The following DGKB variants were observed in gnomAD, a reference collection of about 807,000 sequenced individuals.
DGKB encodes the protein diacylglycerol kinase beta.
DGKB carries 67 observed loss-of-function variants against 114.3 expected under a neutral mutation model. That is an observed-to-expected ratio of 0.59 (90% confidence interval 0.48 to 0.72). The LOEUF (loss-of-function observed/expected upper bound fraction) is 0.72. DGKB is among the 30% of genes least tolerant of loss of function. DGKB has a pLI of 0.00. For synonymous variants in DGKB, 398 were observed against 323.1 expected, an observed-to-expected ratio of 1.23 and a Z score of -2.49; for missense variants, 907 against 975.2, an observed-to-expected ratio of 0.93 and a Z score of 0.93.
intron 16 of DGKB, among the ~76,000 whole-genome samples, chr7:14,609,616 A>G (rs949614281): frequency 2.6e-5 from 4 of 152,032 alleles, no homozygotes; most frequent in African/African-American, 9.7e-5. Context: ...ATATTTGCAA[A>G]CTATTCATCC....
At chr7:14,343,157 CCACACACACACA>C (rs3067654) in intron 22 of DGKB, among the ~76,000 whole-genome samples, 92 of 132,920 alleles carry the variant, frequency 6.9e-4, no homozygotes, top group African/African-American at 2.3e-3. Context: ...GCCTAGCTAT[CCACACACACACA>C]CACACACACA....
At chr7:14,378,485 A>C (rs1384555411) in intron 21 of DGKB, among the ~76,000 whole-genome samples, 2 of 152,178 alleles carry the variant, frequency 1.3e-5, no homozygotes, top group Admixed American at 1.3e-4. Flanking sequence ...TGTAAATCTA[A>C]AGTTATTCCA....
At chr7:14,638,895 C>A (rs752521052) in intron 13 of DGKB, among the ~76,000 whole-genome samples, 1 of 151,818 alleles carries the variant, frequency 6.6e-6, no homozygotes, top group Admixed American at 6.6e-5. Context: ...AAAATTATCC[C>A]GGCATGGTGG....
chr7:14,337,307 C>T (rs1810853216), intron 23 of DGKB, among the ~76,000 whole-genome samples: 1 of 151,964 alleles, frequency 6.6e-6, no homozygotes, highest in South Asian at 2.1e-4. Flanking sequence ...TATTTTCCTC[C>T]ATATTTTCAT....
intron 25 of DGKB, among the ~76,000 whole-genome samples, chr7:14,150,200 G>A (rs186869714): frequency 3.3e-5 from 5 of 152,160 alleles, no homozygotes; most frequent in East Asian, 1.9e-4. Context: ...AGCGAACTGC[G>A]ACTAATACAA....
At chr7:14,369,872 A>G (rs2128649158) in intron 21 of DGKB, among the ~76,000 whole-genome samples, 1 of 151,624 alleles carries the variant, frequency 6.6e-6, no homozygotes, top group Middle Eastern at 3.4e-3. Context: ...CTGTAAAATT[A>G]TGTAAATGCA....
At chr7:14,619,110 A>G (rs1266358377) in intron 15 of DGKB, among the ~76,000 whole-genome samples, 1 of 151,500 alleles carries the variant, frequency 6.6e-6, no homozygotes, top group African/African-American at 2.4e-5. Flanking sequence ...CTGCTGAGGT[A>G]CAACAGGCTT....
intron 1 of DGKB, among the ~76,000 whole-genome samples, chr7:14,961,910 A>T (rs1786866546): frequency 6.6e-6 from 1 of 152,134 alleles, no homozygotes; most frequent in Non-Finnish European, 1.5e-5. Flanking sequence ...CACACAATGC[A>T]GAAATGATCT....
At chr7:14,747,677 A>G (rs1833500713) in intron 4 of DGKB, among the ~76,000 whole-genome samples, 1 of 151,944 alleles carries the variant, frequency 6.6e-6, no homozygotes, top group Non-Finnish European at 1.5e-5. Flanking sequence ...GATCATTTAT[A>G]TGCATATCAA....
intron 8 of DGKB, among the ~76,000 whole-genome samples, chr7:14,695,455 T>A (rs186736445): frequency 6.7e-6 from 1 of 148,754 alleles, no homozygotes; most frequent in East Asian, 2.1e-4. Context: ...CTACTACTAT[T>A]GTAATCAACC....
chr7:14,661,145 C>A (rs889508274), intron 13 of DGKB, among the ~76,000 whole-genome samples: 1 of 152,026 alleles, frequency 6.6e-6, no homozygotes, highest in Non-Finnish European at 1.5e-5. Context: ...TAGGCATGGG[C>A]AAGGACTTCG....
intron 5 of DGKB, among the ~76,000 whole-genome samples, chr7:14,726,183 A>C (rs1184486190): frequency 6.6e-6 from 1 of 152,074 alleles, no homozygotes; most frequent in African/African-American, 2.4e-5. Flanking sequence ...TCTGTCGCCC[A>C]GACTGGAGTG....
intron 16 of DGKB, among the ~76,000 whole-genome samples, chr7:14,611,251 A>G (rs1361463603): frequency 6.6e-6 from 1 of 152,144 alleles, no homozygotes; most frequent in African/African-American, 2.4e-5. Flanking sequence ...GTATTGCAAC[A>G]GATCTATTTA....
rs59229743 is a variant in DGKB at position 14,485,732 on chromosome 7, GA to G, written c.1771-7508del. 3.9e-3 allele frequency among the ~76,000 whole-genome samples: 589 copies of G among 149,158 alleles called. 3 individuals carry two copies. The highest frequency in any genetic ancestry group is 9.7e-3 in the African/African-American group (396 of 40,644). ...AAACCCCATCTCTACTAAAAATACAGAAAAAAAAAAATACCCGGGCATGGTA... is the reference window on the plus strand; with the variant it reads ...AAACCCCATCTCTACTAAAAATACAGAAAAAAAAAATACCCGGGCATGGTA... On this transcript the variant is annotated intron_variant, in intron 20 of 25. Transcript: ENST00000402815.
intron 13 of DGKB, among the ~76,000 whole-genome samples, chr7:14,670,825 C>G (rs1818845805): frequency 1.3e-5 from 2 of 152,100 alleles, no homozygotes; most frequent in Admixed American, 6.5e-5. Flanking sequence ...ATTACCCCTG[C>G]TGGAATGTAA....
intron 25 of DGKB, among the ~76,000 whole-genome samples, chr7:14,166,325 GA>G (rs1784604310): frequency 6.6e-6 from 1 of 152,118 alleles, no homozygotes; most frequent in Non-Finnish European, 1.5e-5. Context: ...CACAAGAGTA[GA>G]AAAAATATCA....
intron 13 of DGKB, among the ~76,000 whole-genome samples, chr7:14,646,441 G>T (rs1813028364): frequency 6.6e-6 from 1 of 152,024 alleles, no homozygotes. Flanking sequence ...AATCTAAAAG[G>T]ATAATAAATT....
intron 17 of DGKB, among the ~76,000 whole-genome samples, 176 bp from the exon 18 acceptor site, chr7:14,583,313 T>G (rs1800236425): frequency 6.6e-6 from 1 of 152,116 alleles, no homozygotes; most frequent in Non-Finnish European, 1.5e-5. Flanking sequence ...ATATTCAAGA[T>G]TCTATAATTT....
At chr7:14,621,539 A>G (rs781231687) in intron 14 of DGKB, 45 bp from the exon 15 acceptor site, 42 of 1,162,340 alleles carry the variant, frequency 3.6e-5, no homozygotes, top group Admixed American at 1.3e-4. Flanking sequence ...TAGGAAAATA[A>G]CATAATAAAA....
Sources: gnomAD v4.1 joint callset for allele counts (sites outside exome capture counted in the v4.1 genomes callset) on GRCh38, gnomAD v4.1.1 for gene constraint, MANE v1.5 for transcripts, NCBI Gene and HGNC (gene_info 2026-07-23, HGNC 2026-07-21) for gene names.